DDX39A: variants seen among roughly 807,000 people sequenced by gnomAD.
The protein encoded by DDX39A is DExD-box helicase 39A, also known as ATP-dependent RNA helicase DDX39A.
DDX39A carries 13 observed loss-of-function variants against 46.3 expected under a neutral mutation model. That is an observed-to-expected ratio of 0.28 (90% CI 0.18 to 0.45). The LOEUF is 0.45. DDX39A is among the 20% of genes least tolerant of loss of function. The pLI, the probability that DDX39A is intolerant of heterozygous loss-of-function variation, is 1.00. For synonymous variants in DDX39A, 234 were observed against 224.6 expected, an observed-to-expected ratio of 1.04 and a Z score of -0.38; for missense variants, 352 against 581.8, an observed-to-expected ratio of 0.61 and a Z score of 4.06.
Position 14,411,270 on chromosome 19 carries a change from A to G in DDX39A, c.430-98T>C. On this transcript the variant is annotated intron_variant, in intron 4 of 10. Transcript: ENST00000242776. The surrounding 1 kb of genome is among the most constrained non-coding windows in gnomAD (Gnocchi z 4.1). ...TGCGAACAGGAGGCCTCAGGGGACC[A>G]AGGCAGGCCTGAGAGCCTCCCGGGG... 1.4e-6 allele frequency: 2 copies of G among 1,403,926 alleles called. No homozygotes were observed. Among genetic ancestry groups the G allele is most frequent in the South Asian group, 1.4e-5 (1 of 71,972 alleles). 87.0% of individuals were successfully genotyped at this position (1,403,926 alleles called of 1,614,324 possible). A position where few individuals can be genotyped will look rare whatever the true frequency, so the allele number is the denominator to read the frequency against.
Position 14,411,494 on chromosome 19 carries a change from C to G in DDX39A, c.429+12G>C. On this transcript the variant is annotated intron_variant, in intron 4 of 10. Transcript: ENST00000242776. The surrounding 1 kb of genome is among the most constrained non-coding windows in gnomAD (Gnocchi z 4.1). ...AAGTGGCGCCTGGTCCAGTCTGGCC[C>G]GAGGGACTCACCTTGACGCTGGGCA... 1 of 1,612,980 alleles carries G rather than the reference C, an allele frequency of 6.2e-7. No individual in the cohort carries two copies. The highest frequency in any genetic ancestry group is 8.5e-7 in the Non-Finnish European group (1 of 1,178,966).
intron 1 of DDX39A, among the ~76,000 whole-genome samples, chr19:14,415,666 C>T (rs1033212139): frequency 6.6e-6 from 1 of 152,082 alleles, no homozygotes; most frequent in Admixed American, 6.6e-5. Flanking sequence ...CCACTGTCAG[C>T]TGGACATGTA....
In DDX39A at chr19:14,412,909, C is replaced by G; in HGVS notation, c.208+104G>C. On this transcript the variant is annotated intron_variant, in intron 2 of 10. Transcript: ENST00000242776. The surrounding 1 kb of genome is among the most constrained non-coding windows in gnomAD (Gnocchi z 4.4). ...ACTGATCCGCGGGACAGACGGGCCC[C>G]TCCCTCACCCACGGCAAACTGGAGG... The G allele has an allele frequency of 7.2e-7, 1 of 1,392,594 alleles. No individual in the cohort carries two copies. Among genetic ancestry groups the G allele is most frequent in the Non-Finnish European group, 9.8e-7 (1 of 1,018,708 alleles). 86.3% of individuals were successfully genotyped at this position (1,392,594 alleles called of 1,614,324 possible). A position where few individuals can be genotyped will look rare whatever the true frequency, so the allele number is the denominator to read the frequency against.
Position 14,419,267 on chromosome 19 carries a change from C to T in DDX39A, c.-5+3G>A. On this transcript the variant is annotated splice_donor_region_variant and intron_variant, in intron 1 of 10. Coordinates refer to ENST00000242776, the MANE Select transcript of DDX39A (RefSeq NM_005804.4). ...GGCCCCGCGCCCGGGATCCGCTGCT[C>T]ACCTGGCTCCCCGTTCTTCTCCGCG... 1 of 277,926 alleles carries T rather than the reference C, an allele frequency of 3.6e-6. No individual in the cohort carries two copies. Among genetic ancestry groups the T allele is most frequent in the South Asian group, 2.7e-5 (1 of 36,832 alleles). 17.2% of individuals were successfully genotyped at this position (277,926 alleles called of 1,614,324 possible).
rs1047578229 is a variant in DDX39A at position 14,411,326 on chromosome 19, C to T, written c.430-154G>A. 3 of 1,034,908 alleles carry T rather than the reference C, an allele frequency of 2.9e-6. No individual in the cohort carries two copies. In the Admixed American group the frequency reaches 7.6e-5, roughly 26 times the overall value. The allele number at this position is 1,034,908 out of a possible 1,614,324, so 64.1% of individuals were successfully genotyped here. On this transcript the variant is annotated intron_variant, in intron 4 of 10. Transcript: ENST00000242776. This position sits in a 1 kb window ranked among gnomAD's most constrained non-coding sequence, Gnocchi z 4.1. ...CTCAAAGGCAGCCCCAGGCTGGGAC[C>T]TGCGCAGGCCCCTGGGAGCCATGCA...
chr19:14,418,120 CAAAAAAAAAAAA>C (rs60701169), intron 1 of DDX39A, among the ~76,000 whole-genome samples: 7 of 52,350 alleles, frequency 1.3e-4, no homozygotes, highest in African/African-American at 3.8e-4. Context: ...GGCTCTGTCT[CAAAAAAAAAAAA>C]AAAAAAAAAA....
In DDX39A at chr19:14,412,474, G is replaced by GT; in HGVS notation, c.336+76dup. 3 of 1,541,334 alleles carry GT rather than the reference G, an allele frequency of 1.9e-6. No individual in the cohort carries two copies. Among genetic ancestry groups the GT allele is most frequent in the Non-Finnish European group, 2.6e-6 (3 of 1,147,658 alleles). ...TTCCCAAAGCACTGGGCTAACAGGT[G>GT]TGAGCCACCCCATCCAGCCTACTCT... is the stretch of plus-strand genomic sequence containing the variant. On this transcript the variant is annotated intron_variant, in intron 3 of 10. Coordinates refer to ENST00000242776, the MANE Select transcript of DDX39A (RefSeq NM_005804.4). This position sits in a 1 kb window ranked among gnomAD's most constrained non-coding sequence, Gnocchi z 4.4.
In DDX39A at chr19:14,410,444, C is replaced by T. The variant is rs965844916; in HGVS notation, c.614-110G>A. 39 of 953,202 alleles carry T rather than the reference C, an allele frequency of 4.1e-5. No individual in the cohort carries two copies. In the East Asian group the frequency reaches 7.1e-4, roughly 17 times the overall value. The allele number at this position is 953,202 out of a possible 1,614,324, so 59.0% of individuals were successfully genotyped here. On this transcript the variant is annotated intron_variant, in intron 5 of 10. Coordinates refer to ENST00000242776, the MANE Select transcript of DDX39A (RefSeq NM_005804.4). The surrounding 1 kb of genome is among the most constrained non-coding windows in gnomAD (Gnocchi z 4.3). ...ACCTGTGCCAGGGAGCCAGTGGCAC[C>T]GTGACGAGGGCAGAGTGAGCCGCGG...
chr19:14,412,816 T>A lies in DDX39A; in HGVS notation c.209-138A>T, dbSNP rs956290097. 8 of 1,334,650 alleles carry A rather than the reference T, an allele frequency of 6.0e-6. No homozygotes were observed. The African/African-American group carries it at 1.2e-4, about 20-fold the overall frequency. The allele number at this position is 1,334,650 out of a possible 1,614,324, so 82.7% of individuals were successfully genotyped here. A position where few individuals can be genotyped will look rare whatever the true frequency, so the allele number is the denominator to read the frequency against. Reference sequence around the variant, plus strand: ...ACAAGGCCACAGACACCTGCAGGGCTGGGGTATCCGCCTGGTCAAAGCAGA... The same window carrying A: ...ACAAGGCCACAGACACCTGCAGGGCAGGGGTATCCGCCTGGTCAAAGCAGA... On this transcript the variant is annotated intron_variant, in intron 2 of 10. Transcript: ENST00000242776. The surrounding 1 kb of genome is among the most constrained non-coding windows in gnomAD (Gnocchi z 4.4).
intron 1 of DDX39A, 96 bp from the exon 2 acceptor site, chr19:14,413,320 A>G: frequency 8.8e-7 from 1 of 1,130,368 alleles, no homozygotes; most frequent in Non-Finnish European, 1.3e-6. Flanking sequence ...TCCATGAGTG[A>G]GCCCATCAGC....
rs538284526 is a variant in DDX39A, at chr19:14,417,521, A to T, written c.-5+1749T>A. On this transcript the variant is annotated intron_variant, in intron 1 of 10. Transcript: ENST00000242776. Reference sequence around the variant, plus strand: ...GAGGGGGGAGGGACAGCATTAGGAGATATACCTAATGCAAATGACGAGTTA... The same window carrying T: ...GAGGGGGGAGGGACAGCATTAGGAGTTATACCTAATGCAAATGACGAGTTA... 8.0e-5 allele frequency among the ~76,000 whole-genome samples: 12 copies of T among 150,930 alleles called. No individual in the cohort carries two copies. In the East Asian group the frequency reaches 2.4e-3, roughly 30 times the overall value.
chr19:14,414,992 A>T (rs1024038718), intron 1 of DDX39A, among the ~76,000 whole-genome samples: 6 of 151,930 alleles, frequency 3.9e-5, no homozygotes, highest in Admixed American at 2.0e-4. Flanking sequence ...ATGCTATACA[A>T]CTCACCACTT....
In DDX39A at chr19:14,419,279, C is replaced by G. The variant is rs1168296436; in HGVS notation, c.-14G>C. ...GGGATCCGCTGCTCACCTGGCTCCC[C>G]GTTCTTCTCCGCGCGCTGCTAAGAG... On this transcript the variant is annotated 5_prime_UTR_variant, in exon 1 of 11. Coordinates refer to ENST00000242776, the MANE Select transcript of DDX39A (RefSeq NM_005804.4). 5 of 273,710 alleles carry G rather than the reference C, an allele frequency of 1.8e-5. No homozygotes were observed. The highest frequency in any genetic ancestry group is 2.8e-5 in the South Asian group (1 of 35,772). 17.0% of individuals were successfully genotyped at this position (273,710 alleles called of 1,614,324 possible). A position where few individuals can be genotyped will look rare whatever the true frequency, so the allele number is the denominator to read the frequency against.
intron 1 of DDX39A, among the ~76,000 whole-genome samples, chr19:14,414,732 G>A (rs1176034191): frequency 6.6e-6 from 1 of 151,002 alleles, no homozygotes; most frequent in Non-Finnish European, 1.5e-5. Flanking sequence ...GAGAGACCAA[G>A]GCGGGTGGGT....
rs758821810 is a variant in DDX39A, at chr19:14,409,927, G to A, written c.733-54C>T. 7.8e-5 allele frequency: 125 copies of A among 1,605,358 alleles called. No homozygotes were observed. The highest frequency in any genetic ancestry group is 1.0e-4 in the Non-Finnish European group (122 of 1,176,578). On this transcript the variant is annotated intron_variant, in intron 6 of 10. Transcript: ENST00000242776. The surrounding 1 kb of genome is among the most constrained non-coding windows in gnomAD (Gnocchi z 8.3). Reference sequence around the variant, plus strand: ...GGCAGGGATCACCTCTGGGCATCTCGCCTGCCCAGAACCTTCCAGTGGGCG... The same window carrying A: ...GGCAGGGATCACCTCTGGGCATCTCACCTGCCCAGAACCTTCCAGTGGGCG...
chr19:14,418,824 G>C (rs1314212604), intron 1 of DDX39A: 1 of 432,298 alleles, frequency 2.3e-6, no homozygotes, highest in Admixed American at 2.8e-5. Flanking sequence ...AGTAGACCAA[G>C]AAGAAGGTAG....
chr19:14,418,144 A>G (rs1337648580), intron 1 of DDX39A, among the ~76,000 whole-genome samples: 35 of 148,778 alleles, frequency 2.4e-4, no homozygotes, highest in Middle Eastern at 3.4e-3. Flanking sequence ...AAAAAAAAAA[A>G]AGAGAGAGAG....
intron 1 of DDX39A, among the ~76,000 whole-genome samples, chr19:14,416,883 A>T (rs1976830711): frequency 6.6e-6 from 1 of 151,960 alleles, no homozygotes; most frequent in Non-Finnish European, 1.5e-5. Context: ...GTGTTTCACC[A>T]CGTTTCCCAG....
Position 14,409,514 on chromosome 19 carries a change from T to C in DDX39A, c.974+22A>G, listed in dbSNP as rs371297874. ...GCTCCTGGTGGTGCTCCCTGCAGCC[T>C]TGGCGGGCGGCTCGCACTCACCGCT... On this transcript the variant is annotated intron_variant, in intron 8 of 10. Transcript: ENST00000242776. The surrounding 1 kb of genome is among the most constrained non-coding windows in gnomAD (Gnocchi z 8.3). The C allele has an allele frequency of 2.5e-6, 4 of 1,609,520 alleles. No homozygotes were observed. The African/African-American group carries it at 5.3e-5, about 21-fold the overall frequency.
Sources: allele counts gnomAD v4.1 joint callset (sites outside exome capture counted in the v4.1 genomes callset), GRCh38; gene constraint gnomAD v4.1.1; non-coding constraint Gnocchi (gnomAD v3.1); transcripts MANE v1.5; gene names NCBI Gene and HGNC (gene_info 2026-07-23, HGNC 2026-07-21).